EFNA5: variants seen among roughly 807,000 people sequenced by gnomAD.
EFNA5 encodes the protein ephrin-A5.
EFNA5 carries 5 observed loss-of-function variants against 22.9 expected under a neutral mutation model. That is an observed-to-expected ratio of 0.22 (90% CI 0.11 to 0.46). The LOEUF is 0.46. Ranked by LOEUF, EFNA5 falls within the 20% of genes least tolerant of loss-of-function variation. The pLI, the probability that EFNA5 is intolerant of heterozygous loss-of-function variation, is 0.99. For synonymous variants in EFNA5, 113 were observed against 112.2 expected (o/e 1.01, Z -0.04); for missense variants, 237 against 293.3 (o/e 0.81, Z 1.40).
intron 1 of EFNA5, among the ~76,000 whole-genome samples, chr5:107,567,201 G>A (rs532133388): frequency 2.0e-5 from 3 of 151,910 alleles, no homozygotes; most frequent in Admixed American, 6.6e-5. Flanking sequence ...GATGTCACTG[G>A]CATTCCGCAC....
In EFNA5 at chr5:107,386,148, C is replaced by CAAAA. The variant is rs33964723; in HGVS notation, c.565+1083_565+1086dup. 3.7e-3 allele frequency among the ~76,000 whole-genome samples: 287 copies of CAAAA among 78,416 alleles called. 4 individuals carry two copies. The highest frequency in any genetic ancestry group is 8.6e-3 in the African/African-American group (167 of 19,388). The allele number at this position is 78,416 out of a possible 152,430, so 51.4% of individuals were successfully genotyped here. On this transcript the variant is annotated intron_variant, in intron 4 of 4. Transcript: ENST00000333274. ...AGGACCATAAGGAAGAGAAATTCTACAAAAAAAAAAAAAAAAAAAAAAATT... is the reference window on the plus strand; with the variant it reads ...AGGACCATAAGGAAGAGAAATTCTACAAAAAAAAAAAAAAAAAAAAAAAAAAATT...
intron 1 of EFNA5, among the ~76,000 whole-genome samples, chr5:107,466,485 T>C (rs1488623377): frequency 6.6e-6 from 1 of 152,126 alleles, no homozygotes; most frequent in Non-Finnish European, 1.5e-5. Flanking sequence ...TTTTAATGAT[T>C]CATGCACAGG....
chr5:107,627,046 T>C (rs1446912625), intron 1 of EFNA5, among the ~76,000 whole-genome samples: 1 of 152,252 alleles, frequency 6.6e-6, no homozygotes, highest in Non-Finnish European at 1.5e-5. Context: ...GAACTGTTCA[T>C]TAAGGGTTGC....
intron 1 of EFNA5, among the ~76,000 whole-genome samples, chr5:107,507,685 A>G (rs971529865): frequency 6.6e-6 from 1 of 152,208 alleles, no homozygotes; most frequent in Non-Finnish European, 1.5e-5. Flanking sequence ...AGATAAAAAA[A>G]AAAATTAGCT....
rs957920779 is a variant in EFNA5 at position 107,472,296 on chromosome 5, G to A, written c.126-44787C>T. On this transcript the variant is annotated intron_variant, in intron 1 of 4. Transcript: ENST00000333274. ...TGTTTTGTCACTAGGTTACGATGGC[G>A]TCATCAAATATTTTTATCGTAAGCG... Among the ~76,000 whole-genome samples the A allele has an allele frequency of 9.9e-5, 15 of 152,208 alleles. No individual in the cohort carries two copies. In the South Asian group the frequency reaches 1.2e-3, roughly 13 times the overall value.
intron 1 of EFNA5, among the ~76,000 whole-genome samples, chr5:107,604,690 T>C (rs1488021243): frequency 6.6e-6 from 1 of 152,202 alleles, no homozygotes; most frequent in Non-Finnish European, 1.5e-5. Flanking sequence ...ATCTGTAGTA[T>C]CTATATTCAT....
rs556625818 is a variant in EFNA5, at chr5:107,501,352, GCTT to G, written c.126-73846_126-73844del. Among the ~76,000 whole-genome samples, 347 of 152,134 alleles carry G rather than the reference GCTT, an allele frequency of 2.3e-3. 1 individual carries two copies. The highest frequency in any genetic ancestry group is 8.0e-3 in the African/African-American group (333 of 41,506). On this transcript the variant is annotated intron_variant, in intron 1 of 4. Coordinates refer to ENST00000333274, the MANE Select transcript of EFNA5 (RefSeq NM_001962.3). ...GATACAGTCTTTAGCTACAAATTAA[GCTT>G]CTTATTTTATCTGTGTAACAATCAT...
At chr5:107,589,933 A>G (rs1392231406) in intron 1 of EFNA5, among the ~76,000 whole-genome samples, 1 of 152,202 alleles carries the variant, frequency 6.6e-6, no homozygotes. Context: ...CCTGCCAGAA[A>G]AAGTGCTCCT....
rs151329141 is a variant in EFNA5 at position 107,461,351 on chromosome 5, C to T, written c.126-33842G>A. On this transcript the variant is annotated intron_variant, in intron 1 of 4. Transcript: ENST00000333274. ...AACTTGCCTAACAGTAGAGAGAAAG[C>T]TATTCAGTAGAATTCTTTAAGGGCA... Among the ~76,000 whole-genome samples the T allele has an allele frequency of 8.4e-3, 1,282 of 152,182 alleles. 7 individuals are homozygous for T. Among genetic ancestry groups the T allele is most frequent in the Non-Finnish European group, 0.015 (1,000 of 67,994 alleles).
rs61689503 is a variant in EFNA5, at chr5:107,623,027, C to CAAAAAAAA, written c.125+47454_125+47461dup. Among the ~76,000 whole-genome samples the CAAAAAAAA allele has an allele frequency of 9.4e-4, 28 of 29,904 alleles. 4 individuals carry two copies. The highest frequency in any genetic ancestry group is 3.4e-3 in the African/African-American group (25 of 7,300). The allele number at this position is 29,904 out of a possible 152,430, so 19.6% of individuals were successfully genotyped here. On this transcript the variant is annotated intron_variant, in intron 1 of 4. Coordinates refer to ENST00000333274, the MANE Select transcript of EFNA5 (RefSeq NM_001962.3). ...TGGGTGACAGAGCGAGACTCCGTCTCAAAAAAAAAAAAAAAAAAAAAAAAA... is the reference window on the plus strand; with the variant it reads ...TGGGTGACAGAGCGAGACTCCGTCTCAAAAAAAAAAAAAAAAAAAAAAAAAAAAAAAAA...
At chr5:107,576,664 T>C (rs1420053548) in intron 1 of EFNA5, among the ~76,000 whole-genome samples, 1 of 152,252 alleles carries the variant, frequency 6.6e-6, no homozygotes, top group African/African-American at 2.4e-5. Context: ...AGCAGACTCA[T>C]GTGAGAGGAA....
intron 1 of EFNA5, among the ~76,000 whole-genome samples, chr5:107,562,606 G>A (rs377031558): frequency 1.3e-5 from 2 of 152,240 alleles, no homozygotes; most frequent in Admixed American, 6.5e-5. Context: ...ATAAAGTAAT[G>A]AAGGATCCTA....
chr5:107,637,068 T>A (rs1750387140), intron 1 of EFNA5, among the ~76,000 whole-genome samples: 1 of 152,226 alleles, frequency 6.6e-6, no homozygotes, highest in Non-Finnish European at 1.5e-5. Context: ...AATACCTAAA[T>A]GCTGAACTAA....
chr5:107,662,272 C>A (rs1259263472), intron 1 of EFNA5, among the ~76,000 whole-genome samples: 2 of 152,168 alleles, frequency 1.3e-5, no homozygotes, highest in African/African-American at 4.8e-5. Context: ...ACTACATCTA[C>A]AACCACCCAA....
intron 1 of EFNA5, among the ~76,000 whole-genome samples, chr5:107,537,615 A>G (rs1407141821): frequency 6.6e-6 from 1 of 152,134 alleles, no homozygotes; most frequent in Non-Finnish European, 1.5e-5. Flanking sequence ...CAAAAACAAA[A>G]ACACTTGTCC....
chr5:107,558,228 C>T (rs535860564), intron 1 of EFNA5, among the ~76,000 whole-genome samples: 3 of 152,134 alleles, frequency 2.0e-5, no homozygotes, highest in Non-Finnish European at 2.9e-5. Context: ...CCCCCACTCC[C>T]GGCAACTGTA....
chr5:107,576,803 C>T (rs1218042905), intron 1 of EFNA5, among the ~76,000 whole-genome samples: 1 of 152,136 alleles, frequency 6.6e-6, no homozygotes, highest in African/African-American at 2.4e-5. Flanking sequence ...ACTAAGCCTC[C>T]TCCCTTTAGA....
intron 1 of EFNA5, among the ~76,000 whole-genome samples, chr5:107,458,816 G>C (rs1216623742): frequency 6.6e-6 from 1 of 152,136 alleles, no homozygotes; most frequent in Non-Finnish European, 1.5e-5. Flanking sequence ...GTGTGCAAGA[G>C]AAACTTTAAT....
At chr5:107,384,659 T>A (rs544058558) in intron 4 of EFNA5, among the ~76,000 whole-genome samples, 1 of 151,930 alleles carries the variant, frequency 6.6e-6, no homozygotes, top group Non-Finnish European at 1.5e-5. Flanking sequence ...TCACCCAGGA[T>A]GGAGCACAGT....
Sources: gnomAD v4.1 joint callset for allele counts (sites outside exome capture counted in the v4.1 genomes callset) on GRCh38, gnomAD v4.1.1 for gene constraint, MANE v1.5 for transcripts, NCBI Gene and HGNC (gene_info 2026-07-23, HGNC 2026-07-21) for gene names.